The following POC1B variants were observed in gnomAD, a reference collection of about 807,000 sequenced individuals.
POC1B encodes POC1 centriolar protein B.
Under a neutral mutation model 60.6 loss-of-function variants are expected in POC1B, and 44 were observed. The observed-to-expected ratio is 0.73, with a 90% CI of 0.57 to 0.93. POC1B has a LOEUF of 0.93. Among genes scored for constraint, POC1B ranks in the 40% least tolerant of loss-of-function variants. The pLI, the probability that POC1B is intolerant of heterozygous loss-of-function variation, is 0.00. For synonymous variants in POC1B, 180 were observed against 198.9 expected (o/e 0.90, Z 0.80); for missense variants, 555 against 572.3 (o/e 0.97, Z 0.31).
the POC1B span, among the ~76,000 whole-genome samples, chr12:89,402,901 G>A: frequency 6.6e-6 from 1 of 151,740 alleles, no homozygotes; most frequent in African/African-American, 2.4e-5. Flanking sequence ...TTTTAGTAGA[G>A]ACTAAAAATG....
At chr12:89,475,522 CT>C (rs1331795202) in intron 4 of POC1B, among the ~76,000 whole-genome samples, 1 of 152,112 alleles carries the variant, frequency 6.6e-6, no homozygotes, top group Non-Finnish European at 1.5e-5. Flanking sequence ...TTTCCTCCTC[CT>C]CCCTTTTATT....
At chr12:89,471,457 C>A (rs1028758918) in intron 6 of POC1B, among the ~76,000 whole-genome samples, 157 bp downstream of exon 6, 1 of 152,160 alleles carries the variant, frequency 6.6e-6, no homozygotes, top group Non-Finnish European at 1.5e-5. Context: ...GCTTCTGAGA[C>A]CCTGCTGTTG....
chr12:89,501,134 G>T, intron 2 of POC1B: 1 of 1,379,894 alleles, frequency 7.2e-7, no homozygotes, highest in East Asian at 2.3e-5. Context: ...CTTCAAGATA[G>T]AAAGTCAAGA....
At chr12:89,524,146 G>C (rs575779538) in intron 2 of POC1B, 1 of 1,613,892 alleles carries the variant, frequency 6.2e-7, no homozygotes, top group African/African-American at 1.3e-5. Flanking sequence ...AGAGGTGGTA[G>C]GAAGTGTCCT....
chr12:89,500,100 T>C (rs7961863), intron 2 of POC1B: 1,093,894 of 1,423,712 alleles, frequency 0.77, 419,453 homozygotes, highest in Middle Eastern at 0.84. Context: ...AACATGGCTG[T>C]GTCGGGTCTG....
chr12:89,483,700 T>G (rs1414253349), intron 4 of POC1B, among the ~76,000 whole-genome samples: 1 of 152,134 alleles, frequency 6.6e-6, no homozygotes, highest in Non-Finnish European at 1.5e-5. Context: ...AAGAAAAAAT[T>G]ATCTGCCAAA....
chr12:89,462,070 T>TA (rs1216778431), intron 9 of POC1B, among the ~76,000 whole-genome samples: 3 of 151,870 alleles, frequency 2.0e-5, no homozygotes, highest in Admixed American at 6.6e-5. Context: ...CACCTGTCAT[T>TA]AAAAAAAATC....
intron 10 of POC1B, among the ~76,000 whole-genome samples, chr12:89,458,871 GA>G (rs1365241338): frequency 6.6e-6 from 1 of 152,148 alleles, no homozygotes; most frequent in Non-Finnish European, 1.5e-5. Context: ...GCCTTGGAAA[GA>G]ATTAGCAGAA....
At chr12:89,507,629 A>G (rs1414196590) in intron 2 of POC1B, among the ~76,000 whole-genome samples, 1 of 152,224 alleles carries the variant, frequency 6.6e-6, no homozygotes, top group Non-Finnish European at 1.5e-5. Context: ...ACAATAATCC[A>G]TTGTTTCAAG....
At chr12:89,408,830 A>G in the POC1B span, among the ~76,000 whole-genome samples, 2 of 152,028 alleles carry the variant, frequency 1.3e-5, no homozygotes, top group Non-Finnish European at 2.9e-5. Flanking sequence ...CTGGTGTGAG[A>G]TGGTATCTTA....
intron 10 of POC1B, among the ~76,000 whole-genome samples, chr12:89,455,805 C>T (rs924921427): frequency 1.3e-5 from 2 of 152,158 alleles, no homozygotes; most frequent in Non-Finnish European, 2.9e-5. Context: ...GATGAGAACA[C>T]AGTGTCAACT....
the POC1B span, among the ~76,000 whole-genome samples, chr12:89,413,946 C>T: frequency 4.6e-5 from 7 of 152,132 alleles, no homozygotes; most frequent in African/African-American, 1.4e-4. Context: ...GGCTGGTGTG[C>T]AGTGGCACCA....
chr12:89,437,917 G>A (rs1052978624), intron 10 of POC1B, among the ~76,000 whole-genome samples: 1 of 151,766 alleles, frequency 6.6e-6, no homozygotes, highest in Non-Finnish European at 1.5e-5. Context: ...GAGTGTTGGT[G>A]TGGCCTGCAG....
chr12:89,514,932 A>T (rs1351649483), intron 2 of POC1B, among the ~76,000 whole-genome samples: 1 of 151,868 alleles, frequency 6.6e-6, no homozygotes, highest in Non-Finnish European at 1.5e-5. Context: ...CTCTCCTCAA[A>T]ATTTACCACT....
intron 4 of POC1B, among the ~76,000 whole-genome samples, chr12:89,476,667 C>G (rs1883115345): frequency 6.6e-6 from 1 of 151,358 alleles, no homozygotes; most frequent in African/African-American, 2.4e-5. Flanking sequence ...CCACTGCACT[C>G]CAGCCTGGGT....
At chr12:89,402,381 A>AT in the POC1B span, among the ~76,000 whole-genome samples, 227 of 150,590 alleles carry the variant, frequency 1.5e-3, no homozygotes, top group Admixed American at 2.5e-3. Flanking sequence ...CCCTTTAAAA[A>AT]TTTTTTTTTA....
intron 2 of POC1B, among the ~76,000 whole-genome samples, chr12:89,514,441 C>A (rs4254123): frequency 0.72 from 89,815 of 125,604 alleles, 31,919 homozygotes; most frequent in Middle Eastern, 0.82. Flanking sequence ...CGAAGTCTTA[C>A]TCTGTCGTCC....
downstream of POC1B, among the ~76,000 whole-genome samples, chr12:89,417,425 C>T (rs541848572): frequency 7.9e-5 from 12 of 152,288 alleles, no homozygotes; most frequent in African/African-American, 2.9e-4. Flanking sequence ...AAAAGTTTTC[C>T]CCTTGCACTC....
At chr12:89,495,841 A>G (rs907868650) in intron 3 of POC1B, among the ~76,000 whole-genome samples, 2 of 152,002 alleles carry the variant, frequency 1.3e-5, no homozygotes, top group Admixed American at 6.6e-5. Context: ...GGCTCACTGC[A>G]ACCTCCACCT....
Sources: allele counts gnomAD v4.1 joint callset (sites outside exome capture counted in the v4.1 genomes callset), GRCh38; gene constraint gnomAD v4.1.1; transcripts MANE v1.5; gene names NCBI Gene and HGNC (gene_info 2026-07-23, HGNC 2026-07-21).